The following PDE4D variants were observed in gnomAD, a reference collection of about 807,000 sequenced individuals.
The protein encoded by PDE4D is 3',5'-cyclic-AMP phosphodiesterase 4D.
In PDE4D, 24 loss-of-function variants were observed where a neutral mutation model predicts 87.4. The ratio of observed to expected loss-of-function variants is 0.27; its 90% CI spans 0.20 to 0.39. The LOEUF (loss-of-function observed/expected upper bound fraction) is 0.39. Among genes scored for constraint, PDE4D ranks in the 10% least tolerant of loss-of-function variants. PDE4D has a pLI of 1.00. For synonymous variants in PDE4D, 384 were observed against 383.2 expected, an observed-to-expected ratio of 1.00 and a Z score of -0.02; for missense variants, 714 against 1,041.0, an observed-to-expected ratio of 0.69 and a Z score of 4.32.
intron 2 of PDE4D, among the ~76,000 whole-genome samples, chr5:59,193,958 T>A (rs1744886388): frequency 6.6e-6 from 1 of 152,222 alleles, no homozygotes; most frequent in Non-Finnish European, 1.5e-5. Flanking sequence ...GTGATTAGCA[T>A]GGAGTGTTCC....
intron 1 of PDE4D, among the ~76,000 whole-genome samples, chr5:59,476,511 G>C (rs544921541): frequency 6.6e-6 from 1 of 152,180 alleles, no homozygotes; most frequent in South Asian, 2.1e-4. Context: ...CATTTTCTCT[G>C]AGAAGCTTAA....
intron 1 of PDE4D, among the ~76,000 whole-genome samples, chr5:59,481,473 C>T (rs1478894876): frequency 3.3e-5 from 5 of 152,072 alleles, no homozygotes; most frequent in Non-Finnish European, 2.9e-5. Context: ...GACTCACCTG[C>T]TTCATCTCTA....
intron 2 of PDE4D, among the ~76,000 whole-genome samples, chr5:60,175,058 A>T (rs1042749910): frequency 6.6e-6 from 1 of 151,806 alleles, no homozygotes; most frequent in Non-Finnish European, 1.5e-5. Flanking sequence ...AATTATGGAT[A>T]TGTCATGCCA....
intron 1 of PDE4D, among the ~76,000 whole-genome samples, chr5:59,487,880 TTTTCCATG>T (rs1805426840): frequency 6.6e-6 from 1 of 152,192 alleles, no homozygotes; most frequent in South Asian, 2.1e-4. Context: ...CTCATTCCTC[TTTTCCATG>T]AAATGGCAGG....
intron 1 of PDE4D, among the ~76,000 whole-genome samples, chr5:59,876,727 C>T (rs1748655820): frequency 6.6e-6 from 1 of 152,072 alleles, no homozygotes; most frequent in African/African-American, 2.4e-5. Flanking sequence ...ATATGAGGAA[C>T]AATTGGGATA....
intron 1 of PDE4D, among the ~76,000 whole-genome samples, chr5:59,332,455 T>C (rs560228379): frequency 6.6e-6 from 1 of 152,178 alleles, no homozygotes; most frequent in Non-Finnish European, 1.5e-5. Flanking sequence ...TCTTAGATAA[T>C]GTCTAGTTTA....
intron 1 of PDE4D, among the ~76,000 whole-genome samples, chr5:59,397,444 C>T (rs1475163686): frequency 1.7e-5 from 2 of 118,736 alleles, no homozygotes; most frequent in African/African-American, 3.4e-5. Context: ...AACCGCTCAA[C>T]TACATGGAAA....
At chr5:59,690,132 G>A (rs1750652762) in intron 1 of PDE4D, among the ~76,000 whole-genome samples, 1 of 152,206 alleles carries the variant, frequency 6.6e-6, no homozygotes, top group Non-Finnish European at 1.5e-5. Context: ...CATGAAAATG[G>A]CCACACTGCC....
chr5:60,035,157 G>A (rs757359874), intron 2 of PDE4D, among the ~76,000 whole-genome samples: 4 of 152,030 alleles, frequency 2.6e-5, no homozygotes, highest in Non-Finnish European at 5.9e-5. Context: ...TCGGGAGGCT[G>A]AGGCAGGAGA....
intron 2 of PDE4D, among the ~76,000 whole-genome samples, chr5:60,063,598 A>G (rs1459536282): frequency 6.6e-6 from 1 of 152,148 alleles, no homozygotes; most frequent in Non-Finnish European, 1.5e-5. Flanking sequence ...AGATCGAAAC[A>G]ATGCTAAAAT....
chr5:60,092,005 C>T (rs989911477), intron 2 of PDE4D, among the ~76,000 whole-genome samples: 4 of 136,820 alleles, frequency 2.9e-5, no homozygotes, highest in East Asian at 2.4e-4. Flanking sequence ...GAGTCGAGAT[C>T]GCGCCACTGC....
intron 2 of PDE4D, among the ~76,000 whole-genome samples, chr5:60,067,713 TTCTC>T (rs1023938626): frequency 5.3e-5 from 8 of 152,178 alleles, no homozygotes; most frequent in Admixed American, 3.9e-4. Context: ...AACTCCCCAT[TTCTC>T]TCTACCTTCT....
At chr5:59,425,514 GT>G (rs1358875266) in intron 1 of PDE4D, among the ~76,000 whole-genome samples, 3 of 152,080 alleles carry the variant, frequency 2.0e-5, no homozygotes, top group African/African-American at 4.8e-5. Context: ...TGCATGAGAG[GT>G]GGAGGGTAGA....
chr5:60,166,255 T>G (rs993735064), intron 2 of PDE4D, among the ~76,000 whole-genome samples: 1 of 152,118 alleles, frequency 6.6e-6, no homozygotes, highest in Non-Finnish European at 1.5e-5. Flanking sequence ...CCACCACGCC[T>G]GTCTAATTTT....
chr5:59,178,876 C>A (rs1480393464), intron 5 of PDE4D, among the ~76,000 whole-genome samples: 1 of 152,160 alleles, frequency 6.6e-6, no homozygotes, highest in East Asian at 1.9e-4. Flanking sequence ...GTGCCTGGAG[C>A]AGCGTGAAGA....
chr5:59,327,960 AC>A (rs929914399), intron 1 of PDE4D, among the ~76,000 whole-genome samples: 2 of 152,228 alleles, frequency 1.3e-5, no homozygotes, highest in Non-Finnish European at 2.9e-5. Flanking sequence ...AATTACATTT[AC>A]AAGATACAAA....
At chr5:59,995,047 G>A (rs1409983727) in intron 2 of PDE4D, among the ~76,000 whole-genome samples, 1 of 152,106 alleles carries the variant, frequency 6.6e-6, no homozygotes, top group Non-Finnish European at 1.5e-5. Context: ...AGAGAACTTA[G>A]GGTTTACTGG....
intron 1 of PDE4D, among the ~76,000 whole-genome samples, chr5:60,255,251 C>T (rs1332202940): frequency 6.6e-6 from 1 of 151,848 alleles, no homozygotes; most frequent in Non-Finnish European, 1.5e-5. Context: ...ACAGACATCA[C>T]TATGTGGGAG....
intron 1 of PDE4D, among the ~76,000 whole-genome samples, chr5:59,403,395 T>C (rs1325232063): frequency 2.0e-5 from 3 of 152,180 alleles, no homozygotes; most frequent in Non-Finnish European, 4.4e-5. Context: ...CCAGATCTTA[T>C]TTGTTCTATC....
Sources: allele counts gnomAD v4.1 joint callset (sites outside exome capture counted in the v4.1 genomes callset), GRCh38; gene constraint gnomAD v4.1.1; transcripts MANE v1.5; gene names NCBI Gene and HGNC (gene_info 2026-07-23, HGNC 2026-07-21).